Variants in WWOX observed in about 807,000 individuals in gnomAD.
The protein encoded by WWOX is WW domain-containing oxidoreductase.
WWOX carries 69 observed loss-of-function variants against 46.2 expected under a neutral mutation model. The ratio of observed to expected loss-of-function variants is 1.49; its 90% CI spans 1.23 to 1.82. WWOX has a LOEUF of 1.82. Among genes scored for constraint, WWOX ranks in the 40% most tolerant of loss-of-function variants. The pLI, the probability that WWOX is intolerant of heterozygous loss-of-function variation, is 0.00. For synonymous variants in WWOX, 359 were observed against 202.6 expected (o/e 1.77, Z -6.56); for missense variants, 919 against 542.6 (o/e 1.69, Z -6.89).
In WWOX at chr16:78,817,172, CTTTTTT is replaced by C. The variant is rs33981779; in HGVS notation, c.1056+384442_1056+384447del. 4.0e-3 allele frequency among the ~76,000 whole-genome samples: 205 copies of C among 51,584 alleles called. No homozygotes were observed. The Middle Eastern group carries it at 0.065, about 16-fold the overall frequency. 33.8% of individuals were successfully genotyped at this position (51,584 alleles called of 152,430 possible). A position where few individuals can be genotyped will look rare whatever the true frequency, so the allele number is the denominator to read the frequency against. On this transcript the variant is annotated intron_variant, in intron 8 of 8. Coordinates refer to ENST00000566780, the MANE Select transcript of WWOX (RefSeq NM_016373.4). Reference sequence around the variant, plus strand: ...GTTTTTCTTAAACATTAGTGCTATTCTTTTTTTTTTTTTTTTTTTTTTTTTTTCCTT... The same window carrying C: ...GTTTTTCTTAAACATTAGTGCTATTCTTTTTTTTTTTTTTTTTTTTTCCTT...
chr16:78,675,951 C>T (rs1373282456), intron 8 of WWOX, among the ~76,000 whole-genome samples: 1 of 151,958 alleles, frequency 6.6e-6, no homozygotes, highest in Non-Finnish European at 1.5e-5. Flanking sequence ...CCTTCTCTGT[C>T]CCACCACAAA....
chr16:78,509,867 C>T (rs1285352308), intron 8 of WWOX, among the ~76,000 whole-genome samples: 1 of 150,834 alleles, frequency 6.6e-6, no homozygotes, highest in East Asian at 2.0e-4. Context: ...GCAGGAGGAT[C>T]ACTTGAGCCT....
chr16:78,800,329 C>T (rs2050853695), intron 8 of WWOX, among the ~76,000 whole-genome samples: 1 of 151,906 alleles, frequency 6.6e-6, no homozygotes, highest in Admixed American at 6.5e-5. Flanking sequence ...GTACCGTGTG[C>T]TTTTAACACA....
At chr16:78,894,049 T>TATTATA (rs879592229) in intron 8 of WWOX, among the ~76,000 whole-genome samples, 20 of 148,144 alleles carry the variant, frequency 1.4e-4, no homozygotes, top group African/African-American at 4.4e-4. Flanking sequence ...TTATTATTAT[T>TATTATA]ATATTTTGAG....
chr16:78,661,974 A>T (rs76243183), intron 8 of WWOX, among the ~76,000 whole-genome samples: 5,772 of 152,226 alleles, frequency 0.038, 360 homozygotes, highest in African/African-American at 0.13. Context: ...AGCCCGGTAG[A>T]TGGAGGTTGC....
At chr16:78,732,976 C>T (rs190158018) in intron 8 of WWOX, among the ~76,000 whole-genome samples, 1 of 152,166 alleles carries the variant, frequency 6.6e-6, no homozygotes, top group African/African-American at 2.4e-5. Flanking sequence ...TCTTTATTTC[C>T]TTCTCGTCTT....
rs892673033 is a variant in WWOX at position 78,314,298 on chromosome 16, C to G, written c.517-72562C>G. On this transcript the variant is annotated intron_variant, in intron 5 of 8. Coordinates refer to ENST00000566780, the MANE Select transcript of WWOX (RefSeq NM_016373.4). Reference sequence around the variant, plus strand: ...TGGTGGGCCTGTAGTCTCAGCTACTCGGGAGGCTGAGGCAGGAGAATGGTG... The same window carrying G: ...TGGTGGGCCTGTAGTCTCAGCTACTGGGGAGGCTGAGGCAGGAGAATGGTG... 3.4e-5 allele frequency among the ~76,000 whole-genome samples: 5 copies of G among 149,002 alleles called. No individual in the cohort carries two copies. In the South Asian group the frequency reaches 1.1e-3, roughly 32 times the overall value.
chr16:78,376,785 A>G (rs1047385025), intron 5 of WWOX, among the ~76,000 whole-genome samples: 3 of 152,190 alleles, frequency 2.0e-5, no homozygotes, highest in Non-Finnish European at 4.4e-5. Flanking sequence ...GTTGAGAATC[A>G]GAGCAGACTC....
At chr16:78,410,642 C>G (rs1382946627) in intron 6 of WWOX, among the ~76,000 whole-genome samples, 2 of 151,544 alleles carry the variant, frequency 1.3e-5, no homozygotes, top group South Asian at 2.1e-4. Context: ...AAACGCCATA[C>G]TAAAAGTACA....
chr16:78,903,511 C>T (rs984467891), intron 8 of WWOX, among the ~76,000 whole-genome samples: 1 of 152,226 alleles, frequency 6.6e-6, no homozygotes, highest in Non-Finnish European at 1.5e-5. Flanking sequence ...GAGGTACTTT[C>T]AATTTCCCAT....
In WWOX at chr16:78,937,244, T is replaced by G. The variant is rs1174096539; in HGVS notation, c.1057-274364T>G. 3.3e-5 allele frequency among the ~76,000 whole-genome samples: 5 copies of G among 151,990 alleles called. No individual in the cohort carries two copies. The East Asian group carries it at 9.6e-4, about 29-fold the overall frequency. Reference sequence around the variant, plus strand: ...TTCAACTTTTAATAGTATTTCAAATTTACCTGAAAGTGACCCAAATAATAC... The same window carrying G: ...TTCAACTTTTAATAGTATTTCAAATGTACCTGAAAGTGACCCAAATAATAC... On this transcript the variant is annotated intron_variant, in intron 8 of 8. Transcript: ENST00000566780.
chr16:78,266,016 G>C (rs1209199511), intron 5 of WWOX: 1 of 152,196 alleles, frequency 6.6e-6, no homozygotes, highest in African/African-American at 2.4e-5. Flanking sequence ...CTCTTTCACA[G>C]GGGCAGAGCA....
intron 8 of WWOX, among the ~76,000 whole-genome samples, chr16:78,700,329 A>C (rs2048186456): frequency 7.8e-6 from 1 of 128,988 alleles, no homozygotes; most frequent in Non-Finnish European, 1.6e-5. Flanking sequence ...AGAGAGAGAG[A>C]GAGAGAGAGA....
chr16:78,293,706 G>A (rs553458883), intron 5 of WWOX, among the ~76,000 whole-genome samples: 5 of 152,170 alleles, frequency 3.3e-5, no homozygotes, highest in South Asian at 2.1e-4. Flanking sequence ...GGCTGGGTGC[G>A]GTGCCTCAGG....
At chr16:78,244,692 G>T (rs2037761962) in intron 5 of WWOX, among the ~76,000 whole-genome samples, 1 of 152,068 alleles carries the variant, frequency 6.6e-6, no homozygotes. Context: ...GCCTTATCAG[G>T]GCTTAGCCTT....
intron 8 of WWOX, among the ~76,000 whole-genome samples, chr16:78,652,504 T>A (rs1261601479): frequency 2.6e-5 from 4 of 151,178 alleles, no homozygotes; most frequent in Non-Finnish European, 4.4e-5. Context: ...TAAAGGACTA[T>A]AAAAAAAGTT....
intron 8 of WWOX, among the ~76,000 whole-genome samples, chr16:78,563,948 G>C (rs2044501853): frequency 6.6e-6 from 1 of 152,200 alleles, no homozygotes; most frequent in South Asian, 2.1e-4. Flanking sequence ...CACAAGCAAA[G>C]GCTTGAAACG....
chr16:78,948,814 T>G (rs563813169), intron 8 of WWOX, among the ~76,000 whole-genome samples: 3 of 152,172 alleles, frequency 2.0e-5, no homozygotes, highest in African/African-American at 7.2e-5. Flanking sequence ...ACTAATCAGC[T>G]GACTTTAGAA....
intron 8 of WWOX, among the ~76,000 whole-genome samples, chr16:79,109,760 C>T (rs879522273): frequency 3.3e-5 from 5 of 152,112 alleles, no homozygotes; most frequent in Admixed American, 6.5e-5. Context: ...ATTATCTGAG[C>T]GTTCGCATCA....
Sources: allele counts gnomAD v4.1 joint callset (sites outside exome capture counted in the v4.1 genomes callset), GRCh38; gene constraint gnomAD v4.1.1; transcripts MANE v1.5; gene names NCBI Gene and HGNC (gene_info 2026-07-23, HGNC 2026-07-21).